Variants in FARS2 observed in about 807,000 individuals in gnomAD.
FARS2 encodes phenylalanyl-tRNA synthetase 2, mitochondrial, also known as phenylalanine--tRNA ligase, mitochondrial.
Under a neutral mutation model 46.4 loss-of-function variants are expected in FARS2, and 40 were observed. The observed-to-expected ratio is 0.86, with a 90% CI of 0.67 to 1.12. The LOEUF is 1.12. Among genes scored for constraint, FARS2 ranks in the 50% most tolerant of loss-of-function variants. The pLI is 0.00. For synonymous variants in FARS2, 234 were observed against 214.9 expected (o/e 1.09, Z -0.78); for missense variants, 513 against 567.9 (o/e 0.90, Z 0.98).
intron 1 of FARS2, among the ~76,000 whole-genome samples, chr6:5,321,623 C>T (rs909904175): frequency 1.0e-4 from 12 of 117,520 alleles, no homozygotes; most frequent in East Asian, 2.8e-4. Flanking sequence ...CATCCCCATT[C>T]GGTAGGTGTC....
intron 6 of FARS2, among the ~76,000 whole-genome samples, chr6:5,650,152 G>T (rs544378032): frequency 6.6e-6 from 1 of 152,202 alleles, no homozygotes; most frequent in South Asian, 2.1e-4. Context: ...TTCAGGAGGG[G>T]GACATGGAAT....
At chr6:5,751,944 T>TC (rs1302999563) in intron 6 of FARS2, among the ~76,000 whole-genome samples, 1 of 152,020 alleles carries the variant, frequency 6.6e-6, no homozygotes. Context: ...AAAATCAAAG[T>TC]CCCCCACCAG....
intron 6 of FARS2, among the ~76,000 whole-genome samples, chr6:5,622,151 C>G (rs1260016956): frequency 6.6e-6 from 1 of 152,210 alleles, no homozygotes; most frequent in Non-Finnish European, 1.5e-5. Context: ...CATTGTCAAT[C>G]TCACTAGGGG....
chr6:5,675,347 G>T (rs1778709664), intron 6 of FARS2, among the ~76,000 whole-genome samples: 1 of 152,132 alleles, frequency 6.6e-6, no homozygotes, highest in South Asian at 2.1e-4. Context: ...GAAGCTCTGG[G>T]GAGGAGTAAC....
chr6:5,699,134 C>A (rs1406227672), intron 6 of FARS2, among the ~76,000 whole-genome samples: 1 of 152,152 alleles, frequency 6.6e-6, no homozygotes, highest in Non-Finnish European at 1.5e-5. Context: ...AGCAACAGCC[C>A]CCTGTAGAGT....
intron 6 of FARS2, among the ~76,000 whole-genome samples, chr6:5,688,186 C>T (rs1278795340): frequency 6.6e-6 from 1 of 152,180 alleles, no homozygotes; most frequent in Non-Finnish European, 1.5e-5. Context: ...ATTGAATACA[C>T]TTTATTTCCT....
At chr6:5,654,385 T>C (rs574717256) in intron 6 of FARS2, among the ~76,000 whole-genome samples, 2 of 152,284 alleles carry the variant, frequency 1.3e-5, no homozygotes, top group African/African-American at 4.8e-5. Flanking sequence ...TTACAAATGT[T>C]TTCCTGCAGT....
At chr6:5,467,209 T>TTTTA in intron 4 of FARS2, 2 of 474,574 alleles carry the variant, frequency 4.2e-6, no homozygotes, top group Non-Finnish European at 5.5e-6. Flanking sequence ...TATTTTTTAT[T>TTTTA]TTTATTTATT....
intron 1 of FARS2, among the ~76,000 whole-genome samples, chr6:5,267,214 C>G (rs1765610742): frequency 6.7e-6 from 1 of 148,440 alleles, no homozygotes; most frequent in African/African-American, 2.5e-5. Context: ...ACCATCTTTT[C>G]ATGCTACAAA....
At chr6:5,639,366 G>T (rs1486046250) in intron 6 of FARS2, among the ~76,000 whole-genome samples, 2 of 152,112 alleles carry the variant, frequency 1.3e-5, no homozygotes, top group Admixed American at 1.3e-4. Flanking sequence ...AAGCCATATT[G>T]TTCTCAGTGA....
At position 5,463,097 on chromosome 6, in the gene FARS2, C is replaced by T. The variant is rs113372484; in HGVS notation, c.904+31925C>T. Among the ~76,000 whole-genome samples the T allele has an allele frequency of 3.5e-3, 536 of 152,280 alleles. 4 individuals carry two copies. The highest frequency in any genetic ancestry group is 0.012 in the African/African-American group (494 of 41,558). ...GTAACTATTTACGAAAGCTGGAGGC[C>T]GGACCCTGGGCCTCTGACTTGATCA... On this transcript the variant is annotated intron_variant, in intron 4 of 6. Coordinates refer to ENST00000274680, the MANE Select transcript of FARS2 (RefSeq NM_006567.5).
intron 3 of FARS2, among the ~76,000 whole-genome samples, chr6:5,422,178 C>T (rs373839986): frequency 5.9e-5 from 9 of 152,256 alleles, no homozygotes; most frequent in South Asian, 2.1e-4. Flanking sequence ...TTTTTAAACC[C>T]GTCAGATCTC....
At chr6:5,731,430 C>T (rs1760616322) in intron 6 of FARS2, among the ~76,000 whole-genome samples, 1 of 152,186 alleles carries the variant, frequency 6.6e-6, no homozygotes, top group African/African-American at 2.4e-5. Flanking sequence ...ATCCTCAATC[C>T]TCTTGCTCCC....
At chr6:5,485,830 G>A (rs1448192582) in intron 4 of FARS2, among the ~76,000 whole-genome samples, 1 of 152,144 alleles carries the variant, frequency 6.6e-6, no homozygotes, top group Non-Finnish European at 1.5e-5. Flanking sequence ...TTAGAATTCG[G>A]TACCACTGAG....
chr6:5,538,068 T>C (rs191120053), intron 4 of FARS2, among the ~76,000 whole-genome samples: 10 of 151,338 alleles, frequency 6.6e-5, no homozygotes, highest in Admixed American at 2.6e-4. Context: ...ATATTCTGTC[T>C]AATTGGGAAC....
chr6:5,705,435 G>A (rs958638747), intron 6 of FARS2, among the ~76,000 whole-genome samples: 12 of 152,172 alleles, frequency 7.9e-5, no homozygotes, highest in East Asian at 1.9e-4. Flanking sequence ...AGATCATGGC[G>A]CTTCACACAG....
At chr6:5,649,316 A>G (rs751367902) in intron 6 of FARS2, among the ~76,000 whole-genome samples, 49 of 152,188 alleles carry the variant, frequency 3.2e-4, no homozygotes, top group Non-Finnish European at 7.1e-4. Context: ...TAAATAGATC[A>G]TTTATCTCCG....
intron 1 of FARS2, among the ~76,000 whole-genome samples, chr6:5,332,527 G>C (rs1265048459): frequency 1.3e-5 from 2 of 152,224 alleles, no homozygotes; most frequent in Admixed American, 1.3e-4. Flanking sequence ...TGTTACTCTA[G>C]CAGTTTTTGG....
intron 5 of FARS2, among the ~76,000 whole-genome samples, chr6:5,608,667 G>A (rs1314952350): frequency 6.6e-6 from 1 of 152,044 alleles, no homozygotes; most frequent in Non-Finnish European, 1.5e-5. Context: ...ATAATTCCAT[G>A]ATTTTGCTTG....
Sources: allele counts gnomAD v4.1 joint callset (sites outside exome capture counted in the v4.1 genomes callset), GRCh38; gene constraint gnomAD v4.1.1; transcripts MANE v1.5; gene names NCBI Gene and HGNC (gene_info 2026-07-23, HGNC 2026-07-21).